NRG1: variants seen among roughly 807,000 people sequenced by gnomAD.
The protein encoded by NRG1 is neuregulin 1.
A neutral mutation model predicts 63.8 loss-of-function variants in NRG1; 18 were observed. That is an observed-to-expected ratio of 0.28 (90% CI 0.19 to 0.42). NRG1 has a LOEUF of 0.42. Among genes scored for constraint, NRG1 ranks in the 10% least tolerant of loss-of-function variants. The probability of loss-of-function intolerance (pLI) is 1.00; values close to 1 mark genes in which losing one functional copy is unlikely to be tolerated. For missense variants in NRG1, 762 were observed against 814.7 expected (o/e 0.94, Z 0.79); for synonymous variants, 302 against 301.3 (o/e 1.00, Z -0.02).
At chr8:32,724,528 A>G (rs1420461507) in intron 5 of NRG1, among the ~76,000 whole-genome samples, 2 of 152,204 alleles carry the variant, frequency 1.3e-5, no homozygotes, top group Admixed American at 6.5e-5. Flanking sequence ...TACGGCACAG[A>G]GAAAAAATAT....
chr8:31,773,872 T>G (rs146142853), intron 1 of NRG1, among the ~76,000 whole-genome samples: 62 of 152,326 alleles, frequency 4.1e-4, no homozygotes, highest in African/African-American at 1.3e-3. Flanking sequence ...ATCAGTTTTC[T>G]ACCTTGTATC....
chr8:32,273,608 G>A (rs1851780581), intron 1 of NRG1, among the ~76,000 whole-genome samples: 1 of 152,132 alleles, frequency 6.6e-6, no homozygotes, highest in African/African-American at 2.4e-5. Context: ...CAAGAATCAG[G>A]TGGTACCGTT....
chr8:32,677,105 G>T (rs1338417793), intron 5 of NRG1, among the ~76,000 whole-genome samples: 2 of 152,048 alleles, frequency 1.3e-5, no homozygotes, highest in South Asian at 2.1e-4. Flanking sequence ...TATAGAGAGA[G>T]ACTGAAAAAT....
exon 1 of NRG1, chr8:32,548,654 C>T (rs1005372526): frequency 6.6e-7 from 1 of 1,504,176 alleles, no homozygotes; most frequent in East Asian, 2.6e-5. Flanking sequence ...TTTTCCCAAA[C>T]CCGATCCGAG....
intron 1 of NRG1, among the ~76,000 whole-genome samples, chr8:31,959,820 T>G: frequency 7.3e-6 from 1 of 137,512 alleles, no homozygotes; most frequent in East Asian, 2.0e-4. Flanking sequence ...TTTATTTATT[T>G]ATTTATTTAT....
chr8:31,960,367 A>G (rs1008880689), intron 1 of NRG1, among the ~76,000 whole-genome samples: 1 of 152,068 alleles, frequency 6.6e-6, no homozygotes, highest in Non-Finnish European at 1.5e-5. Context: ...GGGAGACTTC[A>G]GACGCTCAGG....
intron 1 of NRG1, among the ~76,000 whole-genome samples, chr8:32,499,771 G>C (rs1006107982): frequency 6.6e-6 from 1 of 152,208 alleles, no homozygotes; most frequent in African/African-American, 2.4e-5. Flanking sequence ...ATTTCCCGGA[G>C]TTTGAAGGAA....
intron 1 of NRG1, among the ~76,000 whole-genome samples, chr8:31,913,932 A>G (rs1833155352): frequency 6.6e-6 from 1 of 152,208 alleles, no homozygotes; most frequent in Non-Finnish European, 1.5e-5. Context: ...TGAAATGGAA[A>G]AGAATCTACA....
chr8:32,318,434 T>G lies in NRG1; in HGVS notation c.38-277394T>G, dbSNP rs116276373. On this transcript the variant is annotated intron_variant, in intron 1 of 10. Transcript: ENST00000519301. ...GAGCTGTTCAGCCCCTTGGAGCCAT[T>G]AAGTACAATCTTAATGTTTTTGCAT... Among the ~76,000 whole-genome samples the G allele has an allele frequency of 5.1e-3, 773 of 152,312 alleles. 5 individuals carry two copies. The highest frequency in any genetic ancestry group is 0.017 in the African/African-American group (727 of 41,568).
chr8:32,505,212 G>A (rs1588021333), intron 1 of NRG1, among the ~76,000 whole-genome samples: 1 of 152,082 alleles, frequency 6.6e-6, no homozygotes, highest in African/African-American at 2.4e-5. Context: ...GGGTTGGGGG[G>A]ATGATTTTTG....
chr8:31,725,326 T>A (rs1300304749), intron 1 of NRG1, among the ~76,000 whole-genome samples: 2 of 152,190 alleles, frequency 1.3e-5, no homozygotes, highest in Non-Finnish European at 2.9e-5. Context: ...TGGCATATGT[T>A]CCCAGCTAAC....
intron 1 of NRG1, among the ~76,000 whole-genome samples, chr8:32,274,860 GGA>G (rs1491490540): frequency 1.3e-5 from 2 of 151,770 alleles, no homozygotes; most frequent in Admixed American, 6.6e-5. Context: ...TGTCTCTCTG[GGA>G]AAAAAAAATC....
rs578085830 is a variant in NRG1 at position 32,460,054 on chromosome 8, C to G, written c.38-135774C>G. Among the ~76,000 whole-genome samples the G allele has an allele frequency of 3.3e-5, 5 of 152,316 alleles. No homozygotes were observed. In the East Asian group the frequency reaches 9.6e-4, roughly 29 times the overall value. ...TAGGTCTTTTGTCTGTTTCCTGCCA[C>G]TCCTGCCCCTGAAATAGAAAGCAAG... On this transcript the variant is annotated intron_variant, in intron 1 of 10. Coordinates refer to the NRG1 transcript ENST00000519301.
At chr8:32,730,378 G>A (rs923752489) in intron 6 of NRG1, among the ~76,000 whole-genome samples, 4 of 152,060 alleles carry the variant, frequency 2.6e-5, no homozygotes, top group Non-Finnish European at 4.4e-5. Context: ...ACTTGAGCCC[G>A]GAAGGTTGAG....
In NRG1 at chr8:32,223,668, G is replaced by A. The variant is rs77637977; in HGVS notation, c.38-372160G>A. Among the ~76,000 whole-genome samples, 325 of 152,298 alleles carry A rather than the reference G, an allele frequency of 2.1e-3. 3 individuals carry two copies. Among genetic ancestry groups the A allele is most frequent in the African/African-American group, 7.5e-3 (311 of 41,572 alleles). On this transcript the variant is annotated intron_variant, in intron 1 of 10. Coordinates refer to the NRG1 transcript ENST00000519301. Reference sequence around the variant, plus strand: ...TCCTCAGCAGTGCTCTAGCTAGTCTGTCCTTGTCCTTGTCAACTGTACGTG... The same window carrying A: ...TCCTCAGCAGTGCTCTAGCTAGTCTATCCTTGTCCTTGTCAACTGTACGTG...
intron 5 of NRG1, among the ~76,000 whole-genome samples, chr8:32,675,101 CTG>C (rs926882882): frequency 6.6e-6 from 1 of 152,146 alleles, no homozygotes; most frequent in Non-Finnish European, 1.5e-5. Context: ...GAATTGGACA[CTG>C]TACAAATTCA....
chr8:31,862,436 T>C (rs999104338), intron 1 of NRG1, among the ~76,000 whole-genome samples: 1 of 152,230 alleles, frequency 6.6e-6, no homozygotes, highest in African/African-American at 2.4e-5. Context: ...TGATACTAAG[T>C]TGTGACAAAA....
intron 1 of NRG1, among the ~76,000 whole-genome samples, chr8:31,889,543 G>T (rs4733280): frequency 0.23 from 35,089 of 152,104 alleles, 5,297 homozygotes; most frequent in East Asian, 0.68. Flanking sequence ...CTTCAGGAGG[G>T]AACCCAGCTG....
chr8:31,845,970 T>A (rs1275546086), intron 1 of NRG1, among the ~76,000 whole-genome samples: 1 of 152,164 alleles, frequency 6.6e-6, no homozygotes, highest in African/African-American at 2.4e-5. Context: ...TTTTTCCTGA[T>A]ATCTTAAAAA....
Sources: allele counts gnomAD v4.1 joint callset (sites outside exome capture counted in the v4.1 genomes callset), GRCh38; gene constraint gnomAD v4.1.1; transcripts MANE v1.5; gene names NCBI Gene and HGNC (gene_info 2026-07-23, HGNC 2026-07-21).